The following PAX5 variants were observed in gnomAD, a reference collection of about 807,000 sequenced individuals.
The protein encoded by PAX5 is paired box 5.
Under a neutral mutation model 43.7 loss-of-function variants are expected in PAX5, and 9 were observed. The ratio of observed to expected loss-of-function variants is 0.21; its 90% CI spans 0.12 to 0.36. The LOEUF (loss-of-function observed/expected upper bound fraction) is 0.36, where lower values mean the gene tolerates loss of function less well. PAX5 is among the 10% of genes least tolerant of loss of function. The pLI is 1.00. For synonymous variants in PAX5, 228 were observed against 214.3 expected, an observed-to-expected ratio of 1.06 and a Z score of -0.56; for missense variants, 383 against 532.7, an observed-to-expected ratio of 0.72 and a Z score of 2.77.
intron 5 of PAX5, among the ~76,000 whole-genome samples, chr9:36,985,471 CACT>C (rs1429195560): frequency 6.6e-6 from 1 of 152,228 alleles, no homozygotes; most frequent in African/African-American, 2.4e-5. Flanking sequence ...TCCATTCCCT[CACT>C]ACTACTTCCA....
At chr9:36,930,764 G>C in intron 6 of PAX5, 1 of 1,044,534 alleles carries the variant, frequency 9.6e-7, no homozygotes, top group Non-Finnish European at 1.3e-6. Context: ...GAGGGGTAAG[G>C]AGAGGGACAC....
chr9:36,929,420 T>G (rs1050096635), intron 6 of PAX5, among the ~76,000 whole-genome samples: 1 of 152,050 alleles, frequency 6.6e-6, no homozygotes, highest in South Asian at 2.1e-4. Flanking sequence ...AGTGGCGGGG[T>G]GCAGAGGTAC....
intron 5 of PAX5, among the ~76,000 whole-genome samples, chr9:36,991,506 G>A (rs1836935424): frequency 6.6e-6 from 1 of 152,132 alleles, no homozygotes. Flanking sequence ...TTATATCAAG[G>A]CATTTGGACC....
chr9:36,928,191 A>G (rs1830812844), intron 6 of PAX5, among the ~76,000 whole-genome samples: 1 of 152,136 alleles, frequency 6.6e-6, no homozygotes, highest in Admixed American at 6.5e-5. Context: ...GGTGTCCGTG[A>G]TTTTTAAAGG....
intron 8 of PAX5, among the ~76,000 whole-genome samples, chr9:36,865,007 G>A (rs572754535): frequency 1.4e-4 from 22 of 152,362 alleles, no homozygotes; most frequent in Non-Finnish European, 2.5e-4. Flanking sequence ...TCCCGCCCGC[G>A]AAGGAACAAT....
intron 1 of PAX5, among the ~76,000 whole-genome samples, chr9:37,030,822 T>C (rs1045624816): frequency 7.9e-5 from 12 of 152,224 alleles, no homozygotes; most frequent in African/African-American, 2.7e-4. Flanking sequence ...TCTAGTAGCC[T>C]GACATCGACT....
At chr9:36,857,626 G>T (rs762300763) in intron 8 of PAX5, among the ~76,000 whole-genome samples, 1 of 152,228 alleles carries the variant, frequency 6.6e-6, no homozygotes, top group Non-Finnish European at 1.5e-5. Flanking sequence ...TTCAAATGTT[G>T]TCATTTAGTG....
At chr9:36,980,147 C>T (rs955622187) in intron 5 of PAX5, among the ~76,000 whole-genome samples, 4 of 152,260 alleles carry the variant, frequency 2.6e-5, no homozygotes, top group Non-Finnish European at 4.4e-5. Flanking sequence ...CAAGCCAAGA[C>T]TATGCTTAGG....
rs369976524 is a variant in PAX5, at chr9:36,840,520, T to A, written c.*40A>T. On this transcript the variant is annotated 3_prime_UTR_variant, in exon 10 of 10. Transcript: ENST00000358127. ...AGGGCTGGGTGGCTGTCACCCTCAA[T>A]AGGTGCCATCAGTGTTTGGTGCCCG... The A allele has an allele frequency of 6.4e-7, 1 of 1,555,334 alleles. No homozygotes were observed. Among genetic ancestry groups the A allele is most frequent in the Non-Finnish European group, 8.7e-7 (1 of 1,147,866 alleles).
At chr9:36,958,230 G>A (rs1338715997) in intron 6 of PAX5, among the ~76,000 whole-genome samples, 2 of 151,950 alleles carry the variant, frequency 1.3e-5, no homozygotes, top group Admixed American at 6.6e-5. Context: ...GTTGAGGACC[G>A]TGACCATTGC....
intron 7 of PAX5, among the ~76,000 whole-genome samples, chr9:36,921,754 A>G (rs559883501): frequency 6.6e-6 from 1 of 152,280 alleles, no homozygotes; most frequent in East Asian, 1.9e-4. Flanking sequence ...TTCCTTGAAA[A>G]AGAGGAAAAA....
chr9:36,986,003 C>T (rs573936035), intron 5 of PAX5, among the ~76,000 whole-genome samples: 3 of 152,134 alleles, frequency 2.0e-5, no homozygotes, highest in Non-Finnish European at 4.4e-5. Flanking sequence ...TTCCACGCTG[C>T]GCGTCCGCCA....
rs56175234 is a variant in PAX5, at chr9:36,834,417, A to AGTGTGT, written c.*6137_*6142dup. On this transcript the variant is annotated 3_prime_UTR_variant, in exon 10 of 10. Transcript: ENST00000358127. ...TGTCTGAGGTGTAGGGGAGTGAGTG[A>AGTGTGT]GTGTGTGTGTGTGTGTGTGTGTGTG... 2,542 of 223,906 alleles carry AGTGTGT rather than the reference A, an allele frequency of 0.011. 11 individuals carry two copies. The highest frequency in any genetic ancestry group is 0.016 in the African/African-American group (684 of 43,488). 13.9% of individuals were successfully genotyped at this position (223,906 alleles called of 1,614,324 possible).
At chr9:37,022,865 G>A (rs372831696) in intron 1 of PAX5, among the ~76,000 whole-genome samples, 33 of 152,246 alleles carry the variant, frequency 2.2e-4, no homozygotes, top group African/African-American at 7.7e-4. Flanking sequence ...GGGGTGACCT[G>A]GGAGCCTGTT....
chr9:36,929,255 AAGGAAGGAAGGAAGGAAGGAAGGAAGG>A (rs1563978822), intron 6 of PAX5, among the ~76,000 whole-genome samples: 5 of 80,942 alleles, frequency 6.2e-5, no homozygotes, highest in Non-Finnish European at 1.7e-4. Context: ...GGAAGGAAGG[AAGGAAGGAAGGAAGGAAGGAAGGAAGG>A]AAGGAAGGAT....
chr9:36,856,907 G>A (rs528534292), intron 8 of PAX5, among the ~76,000 whole-genome samples: 1 of 152,312 alleles, frequency 6.6e-6, no homozygotes, highest in East Asian at 1.9e-4. Context: ...ACTGGCAGAT[G>A]CTTGGCCTGG....
chr9:36,895,885 G>A (rs536505506), intron 7 of PAX5, among the ~76,000 whole-genome samples: 6 of 152,338 alleles, frequency 3.9e-5, no homozygotes, highest in African/African-American at 1.4e-4. Flanking sequence ...GGGACCTACT[G>A]GATCTTTGAA....
chr9:36,913,803 C>T (rs559278871), intron 7 of PAX5, among the ~76,000 whole-genome samples: 53 of 152,162 alleles, frequency 3.5e-4, no homozygotes, highest in South Asian at 8.3e-4. Flanking sequence ...AGCCCTGGGC[C>T]GGGCTCACCA....
At chr9:37,008,205 G>A (rs1241110978) in intron 3 of PAX5, among the ~76,000 whole-genome samples, 2 of 152,096 alleles carry the variant, frequency 1.3e-5, no homozygotes, top group African/African-American at 2.4e-5. Flanking sequence ...GACTACAGGC[G>A]CATGCCACTG....
Sources: gnomAD v4.1 joint callset for allele counts (sites outside exome capture counted in the v4.1 genomes callset) on GRCh38, gnomAD v4.1.1 for gene constraint, MANE v1.5 for transcripts, NCBI Gene and HGNC (gene_info 2026-07-23, HGNC 2026-07-21) for gene names.